Variants in USP8 observed in about 807,000 individuals in gnomAD.
USP8 encodes ubiquitin carboxyl-terminal hydrolase 8.
A neutral mutation model predicts 130.0 loss-of-function variants in USP8; 27 were observed. The ratio of observed to expected loss-of-function variants is 0.21; its 90% CI spans 0.15 to 0.29. The LOEUF (loss-of-function observed/expected upper bound fraction) is 0.29, where lower values mean the gene tolerates loss of function less well. Among genes scored for constraint, USP8 ranks in the 10% least tolerant of loss-of-function variants. The probability of loss-of-function intolerance (pLI) is 1.00; values close to 1 mark genes in which losing one functional copy is unlikely to be tolerated. For synonymous variants in USP8, 392 were observed against 444.1 expected, an observed-to-expected ratio of 0.88 and a Z score of 1.48; for missense variants, 1,029 against 1,312.2, an observed-to-expected ratio of 0.78 and a Z score of 3.33.
chr15:50,449,497 A>C lies in USP8; in HGVS notation c.335+12A>C. On this transcript the variant is annotated intron_variant, in intron 4 of 19. Coordinates refer to ENST00000307179, the MANE Select transcript of USP8 (RefSeq NM_005154.5). ...AGCCTTAAATTAAGGTACAGATATT[A>C]TGAAATATTTAAAATAATGTAAATT... 6.7e-7 allele frequency: 1 copy of C among 1,482,542 alleles called. No homozygotes were observed. Among genetic ancestry groups the C allele is most frequent in the East Asian group, 2.4e-5 (1 of 41,982 alleles). 91.8% of individuals were successfully genotyped at this position (1,482,542 alleles called of 1,614,324 possible).
At chr15:50,450,377 G>T (rs899087712) in intron 4 of USP8, among the ~76,000 whole-genome samples, 3 of 150,764 alleles carry the variant, frequency 2.0e-5, no homozygotes, top group Non-Finnish European at 2.9e-5. Flanking sequence ...ACTGATTCTG[G>T]TATTTGCCAT....
intron 1 of USP8, among the ~76,000 whole-genome samples, chr15:50,435,633 C>T (rs1157195222): frequency 6.6e-6 from 1 of 152,086 alleles, no homozygotes; most frequent in African/African-American, 2.4e-5. Context: ...GCTCAAATAG[C>T]AATTAAAACA....
Position 50,481,814 on chromosome 15 carries a change from C to G in USP8, c.1552C>G (p.Gln518Glu), listed in dbSNP as rs1459296877. Residue 518 changes from glutamine (Q) to glutamate (E), a missense_variant, in exon 11 of 20, where the codon CAA (glutamine) becomes GAA (glutamate). By Grantham distance (29) the Gln-to-Glu change is conservative. This residue lies in a region of USP8 where 486 missense variants were observed against 522.0 expected (regional missense o/e 0.93). Coordinates refer to ENST00000307179, the MANE Select transcript of USP8 (RefSeq NM_005154.5). Reference protein sequence around the residue: ...EAEENEITEKQQKAKEEMEKK... With the variant: ...EAEENEITEKEQKAKEEMEKK... The stretch of plus-strand genomic sequence containing the variant: ...TGAAGAAAATGAAATTACAGAGAAG[C>G]AACAAAAAGCAAAAGAAGAAATGGA... 1 of 1,525,278 alleles carries G rather than the reference C, an allele frequency of 6.6e-7. No homozygotes were observed. The highest frequency in any genetic ancestry group is 1.4e-5 in the African/African-American group (1 of 70,596). The allele number at this position is 1,525,278 out of a possible 1,614,324, so 94.5% of individuals were successfully genotyped here. A position where few individuals can be genotyped will look rare whatever the true frequency, so the allele number is the denominator to read the frequency against.
chr15:50,429,282 T>C (rs1334290629), intron 1 of USP8, among the ~76,000 whole-genome samples: 1 of 150,070 alleles, frequency 6.7e-6, no homozygotes, highest in Non-Finnish European at 1.5e-5. Flanking sequence ...ACAAGAGTTA[T>C]GGGCATAAGC....
Position 50,469,163 on chromosome 15 carries a change from C to T in USP8, c.687-2470C>T, listed in dbSNP as rs1048584543. On this transcript the variant is annotated intron_variant, in intron 7 of 19. Transcript: ENST00000307179. Reference sequence around the variant, plus strand: ...ATGATGTTCTGTTGTGTGAATATAGCGCAATTTACTTAAATATTTTATTTA... The same window carrying T: ...ATGATGTTCTGTTGTGTGAATATAGTGCAATTTACTTAAATATTTTATTTA... Among the ~76,000 whole-genome samples the T allele has an allele frequency of 5.9e-5, 9 of 152,096 alleles. No homozygotes were observed. The South Asian group carries it at 1.4e-3, about 25-fold the overall frequency.
At chr15:50,477,217 G>T in intron 9 of USP8, 59 bp from the exon 10 acceptor site, 3 of 1,460,478 alleles carry the variant, frequency 2.1e-6, no homozygotes, top group South Asian at 1.3e-5. Flanking sequence ...CATGAGAAAT[G>T]TAAGTACTGT....
At chr15:50,485,697 C>G (rs1483534534) in intron 12 of USP8, among the ~76,000 whole-genome samples, 2 of 151,000 alleles carry the variant, frequency 1.3e-5, no homozygotes, top group Non-Finnish European at 2.9e-5. Flanking sequence ...AACACTGAGT[C>G]TACTCTGTCT....
chr15:50,448,581 G>A (rs1479078246), intron 3 of USP8, among the ~76,000 whole-genome samples: 2 of 151,204 alleles, frequency 1.3e-5, no homozygotes, highest in South Asian at 2.1e-4. Context: ...GTGCAGTGGC[G>A]CAATCTCGGC....
chr15:50,434,649 T>A (rs2050042141), intron 1 of USP8, among the ~76,000 whole-genome samples: 1 of 152,124 alleles, frequency 6.6e-6, no homozygotes, highest in African/African-American at 2.4e-5. Context: ...AGGGTCTTGC[T>A]GTGTCGCCCA....
chr15:50,467,632 C>T (rs4774572), intron 7 of USP8, among the ~76,000 whole-genome samples: 21,400 of 151,980 alleles, frequency 0.14, 1,990 homozygotes, highest in Middle Eastern at 0.28. Flanking sequence ...TACAGCTCAC[C>T]GCAGCCTTGA....
At chr15:50,453,300 A>G (rs4774569) in intron 4 of USP8, among the ~76,000 whole-genome samples, 20,819 of 152,142 alleles carry the variant, frequency 0.14, 1,950 homozygotes, top group Middle Eastern at 0.28. Context: ...TGTTCCATTT[A>G]TTTTATTTTA....
At chr15:50,468,970 AACC>A (rs1213158880) in intron 7 of USP8, among the ~76,000 whole-genome samples, 2 of 152,000 alleles carry the variant, frequency 1.3e-5, no homozygotes, top group Admixed American at 1.3e-4. Flanking sequence ...TGCCCAAGGA[AACC>A]ACCAGTTTCT....
Position 50,481,663 on chromosome 15 carries a change from A to C in USP8, c.1401A>C (p.Ala467=). The change falls in exon 11 of 20, where the codon GCA becomes GCC. Residue 467 remains alanine (A), a synonymous_variant. Coordinates refer to ENST00000307179, the MANE Select transcript of USP8 (RefSeq NM_005154.5). The stretch of plus-strand genomic sequence containing the variant: ...ATGAAGAAAAGGCTCGTATTCATGC[A>C]GAAACTGCTCTTCTAATGGAAAAAA... ...LTDEEKARIH[A]ETALLMEKNK... is the part of the protein sequence containing the mutation. The C allele has an allele frequency of 6.2e-7, 1 of 1,613,218 alleles. No individual in the cohort carries two copies. The highest frequency in any genetic ancestry group is 8.5e-7 in the Non-Finnish European group (1 of 1,179,838).
rs2052620669 is a variant in USP8 at position 50,503,689 on chromosome 15, G to C, written c.*4601G>C. On this transcript the variant is annotated 3_prime_UTR_variant, in exon 20 of 20. Coordinates refer to ENST00000307179, the MANE Select transcript of USP8 (RefSeq NM_005154.5). ...GATTCAAATTTATACTACCTGTGTGGTCTGCGAATCCTGTGAACTTAATAT... is the reference window on the plus strand; with the variant it reads ...GATTCAAATTTATACTACCTGTGTGCTCTGCGAATCCTGTGAACTTAATAT... The C allele has an allele frequency of 6.6e-6, 1 of 152,204 alleles. No homozygotes were observed. The highest frequency in any genetic ancestry group is 6.5e-5 in the Admixed American group (1 of 15,282). 9.4% of individuals were successfully genotyped at this position (152,204 alleles called of 1,614,324 possible). A position where few individuals can be genotyped will look rare whatever the true frequency, so the allele number is the denominator to read the frequency against.
intron 5 of USP8, among the ~76,000 whole-genome samples, chr15:50,460,782 A>C (rs933812380): frequency 3.3e-5 from 5 of 152,158 alleles, no homozygotes; most frequent in African/African-American, 1.2e-4. Context: ...ATCCATGGGA[A>C]AATTTCTGCT....
intron 1 of USP8, among the ~76,000 whole-genome samples, chr15:50,431,954 C>T (rs1024933861): frequency 6.6e-6 from 1 of 152,198 alleles, no homozygotes. Flanking sequence ...CCATGCCCAG[C>T]CAGATGTCCT....
intron 4 of USP8, among the ~76,000 whole-genome samples, chr15:50,456,115 A>T (rs2050779909): frequency 6.6e-6 from 1 of 152,196 alleles, no homozygotes; most frequent in South Asian, 2.1e-4. Flanking sequence ...GAAACTACTA[A>T]GTCATTACCA....
At chr15:50,429,695 AAATACCTGTG>A (rs1313168795) in intron 1 of USP8, among the ~76,000 whole-genome samples, 17 of 152,290 alleles carry the variant, frequency 1.1e-4, no homozygotes, top group Non-Finnish European at 2.2e-4. Flanking sequence ...ATAAGAAAAT[AAATACCTGTG>A]TGTATGTCTC....
At chr15:50,488,708 G>A (rs1233499662) in intron 12 of USP8, among the ~76,000 whole-genome samples, 1 of 151,492 alleles carries the variant, frequency 6.6e-6, no homozygotes, top group Admixed American at 6.6e-5. Context: ...GGAATTATAG[G>A]TGCATACCAC....
Sources: gnomAD v4.1 joint callset for allele counts (sites outside exome capture counted in the v4.1 genomes callset) on GRCh38, gnomAD v4.1.1 for gene constraint, gnomAD v4.1.1 regional missense constraint, MANE v1.5 for transcripts, NCBI Gene and HGNC (gene_info 2026-07-23, HGNC 2026-07-21) for gene names.